The following NUGGC variants were observed in gnomAD, a reference collection of about 807,000 sequenced individuals.
NUGGC encodes the protein nuclear GTPase SLIP-GC.
In NUGGC, 58 loss-of-function variants were observed where a neutral mutation model predicts 92.6. That is an observed-to-expected ratio of 0.63 (90% CI 0.51 to 0.78). NUGGC has a LOEUF of 0.78. Ranked by LOEUF, NUGGC falls within the 30% of genes least tolerant of loss-of-function variation. The pLI is 0.00. For synonymous variants in NUGGC, 376 were observed against 366.4 expected, an observed-to-expected ratio of 1.03 and a Z score of -0.30; for missense variants, 925 against 964.6, an observed-to-expected ratio of 0.96 and a Z score of 0.54.
intron 14 of NUGGC, among the ~76,000 whole-genome samples, chr8:28,032,143 G>T (rs2130084892): frequency 6.6e-6 from 1 of 152,358 alleles, no homozygotes; most frequent in African/African-American, 2.4e-5. Flanking sequence ...AGGCAAGCTG[G>T]AGGCAGGTGG....
At position 28,050,553 on chromosome 8, in the gene NUGGC, G is replaced by A. The variant is rs891228503; in HGVS notation, c.1207-2941C>T. On this transcript the variant is annotated intron_variant, in intron 10 of 18. Transcript: ENST00000413272. ...CAGCTGGGTGAGGTGGCTCATGCCTGTAATCCTAGTACTTTGGGAGGCTGA... is the reference window on the plus strand; with the variant it reads ...CAGCTGGGTGAGGTGGCTCATGCCTATAATCCTAGTACTTTGGGAGGCTGA... Among the ~76,000 whole-genome samples, 51 of 152,196 alleles carry A rather than the reference G, an allele frequency of 3.4e-4. 1 individual carries two copies. The highest frequency in any genetic ancestry group is 1.2e-3 in the African/African-American group (48 of 41,444).
intron 15 of NUGGC, among the ~76,000 whole-genome samples, chr8:28,030,923 G>T (rs931163326): frequency 4.6e-5 from 7 of 152,216 alleles, no homozygotes; most frequent in Admixed American, 1.3e-4. Context: ...AGTGAAAATG[G>T]TTCCAGTTGA....
At chr8:28,035,299 C>A (rs571733863) in intron 13 of NUGGC, among the ~76,000 whole-genome samples, 1 of 152,162 alleles carries the variant, frequency 6.6e-6, no homozygotes, top group African/African-American at 2.4e-5. Context: ...CCGAACATAG[C>A]GGTGCAGTGG....
At chr8:28,043,270 A>G (rs1464261837) in intron 12 of NUGGC, among the ~76,000 whole-genome samples, 1 of 152,208 alleles carries the variant, frequency 6.6e-6, no homozygotes, top group Non-Finnish European at 1.5e-5. Flanking sequence ...GGCACTTAGT[A>G]TGAATAAACG....
At chr8:28,024,195 C>CTTTTTTTTTTTTT (rs763885790) in intron 18 of NUGGC, among the ~76,000 whole-genome samples, 21 of 124,000 alleles carry the variant, frequency 1.7e-4, no homozygotes, top group East Asian at 5.0e-4. Flanking sequence ...TAAATTCTTT[C>CTTTTTTTTTTTTT]TTTTTTTTTT....
chr8:28,047,470 G>A, intron 11 of NUGGC, 37 bp downstream of exon 11: 1 of 1,300,380 alleles, frequency 7.7e-7, no homozygotes, highest in Non-Finnish European at 1.1e-6. Context: ...TTGATCTTGA[G>A]AATTTTAGTG....
chr8:28,056,673 T>C (rs1257475305), intron 9 of NUGGC, among the ~76,000 whole-genome samples: 2 of 152,092 alleles, frequency 1.3e-5, no homozygotes, highest in Non-Finnish European at 2.9e-5. Flanking sequence ...ATACATAAAA[T>C]AGATGTAGAT....
chr8:28,033,728 A>C, intron 13 of NUGGC, 31 bp from the exon 14 acceptor site: 1 of 1,605,074 alleles, frequency 6.2e-7, no homozygotes, highest in Non-Finnish European at 8.5e-7. Context: ...TAGCAGAGTT[A>C]GGCATTAACT....
chr8:28,063,234 C>T (rs537163576), intron 7 of NUGGC, among the ~76,000 whole-genome samples: 1 of 152,316 alleles, frequency 6.6e-6, no homozygotes, highest in East Asian at 1.9e-4. Flanking sequence ...GGGAGCTGGG[C>T]CAGGCAGAGC....
intron 7 of NUGGC, among the ~76,000 whole-genome samples, chr8:28,061,918 C>T (rs754342760): frequency 6.6e-6 from 1 of 152,138 alleles, no homozygotes; most frequent in African/African-American, 2.4e-5. Context: ...TTGAGAAACC[C>T]TGATCCAGGG....
chr8:28,075,146 G>A (rs1333064505), intron 1 of NUGGC, among the ~76,000 whole-genome samples: 1 of 152,168 alleles, frequency 6.6e-6, no homozygotes, highest in Non-Finnish European at 1.5e-5. Context: ...GAATCTGGGA[G>A]GTGGAACATT....
intron 11 of NUGGC, among the ~76,000 whole-genome samples, chr8:28,046,725 G>A (rs933946688): frequency 6.9e-6 from 1 of 144,626 alleles, no homozygotes; most frequent in African/African-American, 2.6e-5. Flanking sequence ...TTGTCACCCA[G>A]ACTGGAGTTC....
intron 18 of NUGGC, among the ~76,000 whole-genome samples, chr8:28,025,300 C>T (rs1036647872): frequency 6.6e-6 from 1 of 152,186 alleles, no homozygotes; most frequent in Non-Finnish European, 1.5e-5. Flanking sequence ...TAAAGTATGA[C>T]CCCCTGACAT....
chr8:28,024,178 GC>G (rs1423068190), intron 18 of NUGGC, among the ~76,000 whole-genome samples: 4 of 149,086 alleles, frequency 2.7e-5, no homozygotes, highest in African/African-American at 9.9e-5. Flanking sequence ...CCACCACCTC[GC>G]CTAGCTAAAT....
intron 6 of NUGGC, among the ~76,000 whole-genome samples, 190 bp from the exon 7 acceptor site, chr8:28,064,921 C>T (rs1329531071): frequency 6.6e-6 from 1 of 152,162 alleles, no homozygotes; most frequent in Non-Finnish European, 1.5e-5. Context: ...GGAGCAAGTT[C>T]AAGATCCTTA....
chr8:28,050,606 T>C (rs1327649552), intron 10 of NUGGC, among the ~76,000 whole-genome samples: 4 of 151,420 alleles, frequency 2.6e-5, no homozygotes, highest in Admixed American at 6.6e-5. Flanking sequence ...AGGTCAGGAG[T>C]TCGAGACCAG....
intron 13 of NUGGC, among the ~76,000 whole-genome samples, chr8:28,034,941 G>A (rs1409727677): frequency 6.6e-6 from 1 of 152,148 alleles, no homozygotes; most frequent in Non-Finnish European, 1.5e-5. Flanking sequence ...GTTAAATAAT[G>A]ATACGATGTT....
intron 18 of NUGGC, 116 bp from the exon 19 acceptor site, chr8:28,023,578 T>C: frequency 2.0e-6 from 2 of 1,002,050 alleles, no homozygotes. Context: ...TCTGGAGTGG[T>C]GCTTACAGAT....
Position 28,035,725 on chromosome 8 carries a change from A to G in NUGGC, c.1612-2028T>C, listed in dbSNP as rs148110668. 2.6e-5 allele frequency among the ~76,000 whole-genome samples: 4 copies of G among 152,310 alleles called. No homozygotes were observed. The East Asian group carries it at 7.7e-4, about 29-fold the overall frequency. On this transcript the variant is annotated intron_variant, in intron 13 of 18. Transcript: ENST00000413272. ...CGTGGGGGAGACTCCATGAGGGCAT[A>G]AATACCCAGAGGTGAGGACCCTTGG...
Sources: gnomAD v4.1 joint callset for allele counts (sites outside exome capture counted in the v4.1 genomes callset) on GRCh38, gnomAD v4.1.1 for gene constraint, MANE v1.5 for transcripts, NCBI Gene and HGNC (gene_info 2026-07-23, HGNC 2026-07-21) for gene names.